ADAM11: variants seen among roughly 807,000 people sequenced by gnomAD.
ADAM11 encodes disintegrin and metalloproteinase domain-containing protein 11.
Under a neutral mutation model 119.1 loss-of-function variants are expected in ADAM11, and 49 were observed. That is an observed-to-expected ratio of 0.41 (90% CI 0.33 to 0.52). ADAM11 has a LOEUF of 0.52. ADAM11 is among the 20% of genes least tolerant of loss of function. The probability of loss-of-function intolerance (pLI) is 0.20; values close to 1 mark genes in which losing one functional copy is unlikely to be tolerated. For missense variants in ADAM11, 777 were observed against 1,047.5 expected (o/e 0.74, Z 3.56); for synonymous variants, 364 against 408.0 (o/e 0.89, Z 1.30).
At position 44,780,167 on chromosome 17, in the gene ADAM11, G is replaced by T; in HGVS notation, c.*413G>T. 1 of 544,146 alleles carries T rather than the reference G, an allele frequency of 1.8e-6. No homozygotes were observed. The highest frequency in any genetic ancestry group is 2.3e-5 in the Admixed American group (1 of 42,896). 33.7% of individuals were successfully genotyped at this position (544,146 alleles called of 1,614,324 possible). A position where few individuals can be genotyped will look rare whatever the true frequency, so the allele number is the denominator to read the frequency against. On this transcript the variant is annotated 3_prime_UTR_variant, in exon 27 of 27. Transcript: ENST00000200557. ...GGTCTTACCTCTCTGGGACCTAGGG[G>T]GACGGGGCTGACATCTACATTTTTT...
rs1189869668 is a variant in ADAM11 at position 44,776,279 on chromosome 17, G to A, written c.1566+72G>A. On this transcript the variant is annotated intron_variant, in intron 18 of 26. Coordinates refer to ENST00000200557, the MANE Select transcript of ADAM11 (RefSeq NM_002390.6). The surrounding 1 kb of genome is among the most constrained non-coding windows in gnomAD (Gnocchi z 5.2). The stretch of plus-strand genomic sequence containing the variant: ...CTACCCTTGTCGATTTGGTTTTCCC[G>A]GACGAGTGCTCAGCACTCCCCTCCT... The A allele has an allele frequency of 1.1e-5, 17 of 1,547,406 alleles. No individual in the cohort carries two copies. In the African/African-American group the frequency reaches 1.8e-4, roughly 16 times the overall value.
chr17:44,772,378 C>G lies in ADAM11; in HGVS notation c.611-21C>G. On this transcript the variant is annotated intron_variant, in intron 7 of 26. Transcript: ENST00000200557. The surrounding 1 kb of genome is among the most constrained non-coding windows in gnomAD (Gnocchi z 4.5). ...GTGGGGAGGGGCCGGCTGTGCCCCCCTCACCTGCCCCTCCCCACAGGCTGC... is the reference window on the plus strand; with the variant it reads ...GTGGGGAGGGGCCGGCTGTGCCCCCGTCACCTGCCCCTCCCCACAGGCTGC... 6.3e-7 allele frequency: 1 copy of G among 1,579,370 alleles called. No individual in the cohort carries two copies. The highest frequency in any genetic ancestry group is 1.1e-5 in the South Asian group (1 of 87,160).
intron 2 of ADAM11, among the ~76,000 whole-genome samples, chr17:44,768,317 G>A (rs1371931711): frequency 2.0e-5 from 3 of 152,210 alleles, no homozygotes; most frequent in Non-Finnish European, 4.4e-5. Flanking sequence ...GGGAGCCTTG[G>A]TCAGCCTGGA....
At chr17:44,759,669 G>A in intron 1 of ADAM11, 53 bp from the exon 2 acceptor site, 4 of 1,312,170 alleles carry the variant, frequency 3.0e-6, no homozygotes, top group Non-Finnish European at 3.9e-6. Flanking sequence ...CCATTCCCAA[G>A]TCTTCTGCCC....
At chr17:44,766,575 G>T (rs1300263131) in intron 2 of ADAM11, among the ~76,000 whole-genome samples, 1 of 152,184 alleles carries the variant, frequency 6.6e-6, no homozygotes, top group Admixed American at 6.5e-5. Flanking sequence ...ACGAACTCCA[G>T]CCCCAGGGTG....
Position 44,775,187 on chromosome 17 carries a change from C to G in ADAM11, c.1221-25C>G. 1 of 1,580,038 alleles carries G rather than the reference C, an allele frequency of 6.3e-7. No individual in the cohort carries two copies. Among genetic ancestry groups the G allele is most frequent in the Non-Finnish European group, 8.7e-7 (1 of 1,149,804 alleles). On this transcript the variant is annotated intron_variant, in intron 14 of 26. Coordinates refer to ENST00000200557, the MANE Select transcript of ADAM11 (RefSeq NM_002390.6). The surrounding 1 kb of genome is among the most constrained non-coding windows in gnomAD (Gnocchi z 7.5). The stretch of plus-strand genomic sequence containing the variant: ...GGGTGGGTTGGAGGGGAGCAGCCAG[C>G]AGCACCTCCCCTCGCCCTATCCAGG...
rs71136047 is a variant in ADAM11 at position 44,778,713 on chromosome 17, A to AAAAAAAAAAAAAAAAG, written c.2276+471_2276+472insAAAAAAAAAAAAAAAG. Among the ~76,000 whole-genome samples the AAAAAAAAAAAAAAAAG allele has an allele frequency of 3.5e-3, 285 of 80,382 alleles. 38 individuals carry two copies. Among genetic ancestry groups the AAAAAAAAAAAAAAAAG allele is most frequent in the Middle Eastern group, 8.3e-3 (1 of 120 alleles). 52.7% of individuals were successfully genotyped at this position (80,382 alleles called of 152,430 possible). A position where few individuals can be genotyped will look rare whatever the true frequency, so the allele number is the denominator to read the frequency against. Reference sequence around the variant, plus strand: ...CAAAAAAAAAAAAAAAAAAAAAAAAAGAAAGAAAGAGAGAAAGAAAAGAAA... The same window carrying AAAAAAAAAAAAAAAAG: ...CAAAAAAAAAAAAAAAAAAAAAAAAAAAAAAAAAAAAAAAAGGAAAGAAAGAGAGAAAGAAAAGAAA... On this transcript the variant is annotated intron_variant, in intron 25 of 26. Coordinates refer to ENST00000200557, the MANE Select transcript of ADAM11 (RefSeq NM_002390.6).
Position 44,775,752 on chromosome 17 carries a change from C to A in ADAM11, c.1485+76C>A. On this transcript the variant is annotated intron_variant, in intron 17 of 26. Transcript: ENST00000200557. This position sits in a 1 kb window ranked among gnomAD's most constrained non-coding sequence, Gnocchi z 7.5. ...GAGGCCTTCATATAAGGGGTGGGAG[C>A]TAGGGAGGGAAGCGGAGCCTTCGGG... 7.0e-7 allele frequency: 1 copy of A among 1,423,438 alleles called. No homozygotes were observed. The highest frequency in any genetic ancestry group is 9.5e-7 in the Non-Finnish European group (1 of 1,056,904). 88.2% of individuals were successfully genotyped at this position (1,423,438 alleles called of 1,614,324 possible).
Position 44,779,873 on chromosome 17 carries a change from A to C in ADAM11, c.*119A>C. On this transcript the variant is annotated 3_prime_UTR_variant, in exon 27 of 27. Coordinates refer to ENST00000200557, the MANE Select transcript of ADAM11 (RefSeq NM_002390.6). ...AATGTCTTCCAGGTCCAAACCCTTC[A>C]ACTCCTGGCTCCGCAGGGGTTTGGG... is the stretch of plus-strand genomic sequence containing the variant. The C allele has an allele frequency of 7.1e-7, 1 of 1,399,954 alleles. No individual in the cohort carries two copies. The highest frequency in any genetic ancestry group is 1.0e-6 in the Non-Finnish European group (1 of 1,002,486). The allele number at this position is 1,399,954 out of a possible 1,614,324, so 86.7% of individuals were successfully genotyped here. A position where few individuals can be genotyped will look rare whatever the true frequency, so the allele number is the denominator to read the frequency against.
rs200371132 is a variant in ADAM11, at chr17:44,772,241, C to G, written c.544-26C>G. On this transcript the variant is annotated intron_variant, in intron 6 of 26. Coordinates refer to ENST00000200557, the MANE Select transcript of ADAM11 (RefSeq NM_002390.6). This position sits in a 1 kb window ranked among gnomAD's most constrained non-coding sequence, Gnocchi z 4.5. ...CCTGGAGCAGGCCCAGTTGGCACCC[C>G]AAGAACTAATTTCCCCTCATTGCAG... 2,664 of 1,596,494 alleles carry G rather than the reference C, an allele frequency of 1.7e-3. 6 individuals are homozygous for G. Among genetic ancestry groups the G allele is most frequent in the Non-Finnish European group, 2.1e-3 (2,488 of 1,169,896 alleles).
chr17:44,772,260 A>G lies in ADAM11; in HGVS notation c.544-7A>G, dbSNP rs2049533053. ...GCACCCCAAGAACTAATTTCCCCTC[A>G]TTGCAGGGACCCCTTCCCCACCTCA... On this transcript the variant is annotated splice_polypyrimidine_tract_variant and splice_region_variant and intron_variant, in intron 6 of 26. Coordinates refer to ENST00000200557, the MANE Select transcript of ADAM11 (RefSeq NM_002390.6). This position sits in a 1 kb window ranked among gnomAD's most constrained non-coding sequence, Gnocchi z 4.5. The G allele has an allele frequency of 6.3e-7, 1 of 1,594,454 alleles. No homozygotes were observed. The highest frequency in any genetic ancestry group is 1.7e-5 in the Admixed American group (1 of 58,832).
At chr17:44,767,104 A>G (rs1402300238) in intron 2 of ADAM11, among the ~76,000 whole-genome samples, 1 of 152,130 alleles carries the variant, frequency 6.6e-6, no homozygotes, top group Non-Finnish European at 1.5e-5. Flanking sequence ...CACATTTGCA[A>G]TCCCAGCACT....
rs2049541375 is a variant in ADAM11, at chr17:44,772,647, G to A, written c.678+181G>A. On this transcript the variant is annotated intron_variant, in intron 8 of 26. Transcript: ENST00000200557. This position sits in a 1 kb window ranked among gnomAD's most constrained non-coding sequence, Gnocchi z 4.5. ...AGCCCCCACCCCTTCCCTAATGCTG[G>A]CATCTACAGAGGCCCCATCCTGGGC... 6.6e-6 allele frequency among the ~76,000 whole-genome samples: 1 copy of A among 152,158 alleles called. No homozygotes were observed. The highest frequency in any genetic ancestry group is 1.5e-5 in the Non-Finnish European group (1 of 68,022).
chr17:44,770,489 C>CA (rs374602079), intron 4 of ADAM11, among the ~76,000 whole-genome samples: 400 of 16,508 alleles, frequency 0.024, 9 homozygotes, highest in African/African-American at 0.066. Flanking sequence ...TAGCCTGTCT[C>CA]CCCCCCCCCC....
Position 44,772,192 on chromosome 17 carries a change from T to C in ADAM11, c.544-75T>C, listed in dbSNP as rs1273371443. The C allele has an allele frequency of 1.9e-5, 27 of 1,401,446 alleles. No homozygotes were observed. Among genetic ancestry groups the C allele is most frequent in the Non-Finnish European group, 3.9e-6 (4 of 1,013,242 alleles). The allele number at this position is 1,401,446 out of a possible 1,614,324, so 86.8% of individuals were successfully genotyped here. On this transcript the variant is annotated intron_variant, in intron 6 of 26. Coordinates refer to ENST00000200557, the MANE Select transcript of ADAM11 (RefSeq NM_002390.6). The surrounding 1 kb of genome is among the most constrained non-coding windows in gnomAD (Gnocchi z 4.5). ...CCCAGGGTGGGGTGGAGGCGAGGGC[T>C]GGATCTGGCCCCCGCCAAGTGGGCC...
Position 44,771,901 on chromosome 17 carries a change from G to A in ADAM11, c.543+70G>A, listed in dbSNP as rs533275367. On this transcript the variant is annotated intron_variant, in intron 6 of 26. Transcript: ENST00000200557. ...CAAGCTTGTCCCAACAGCTGTTGCT[G>A]CCACCTCTTCCTCCTCCGGCTCCTC... 5 of 1,524,968 alleles carry A rather than the reference G, an allele frequency of 3.3e-6. No homozygotes were observed. The East Asian group carries it at 1.1e-4, about 35-fold the overall frequency. The allele number at this position is 1,524,968 out of a possible 1,614,324, so 94.5% of individuals were successfully genotyped here.
rs1285227719 is a variant in ADAM11, at chr17:44,759,273, C to T, written c.61+13C>T. 1.6e-5 allele frequency: 22 copies of T among 1,387,300 alleles called. No individual in the cohort carries two copies. The East Asian group carries it at 2.7e-4, about 17-fold the overall frequency. The allele number at this position is 1,387,300 out of a possible 1,614,324, so 85.9% of individuals were successfully genotyped here. A position where few individuals can be genotyped will look rare whatever the true frequency, so the allele number is the denominator to read the frequency against. On this transcript the variant is annotated intron_variant, in intron 1 of 26. Coordinates refer to ENST00000200557, the MANE Select transcript of ADAM11 (RefSeq NM_002390.6). The stretch of plus-strand genomic sequence containing the variant: ...CTCCCCACGCCCGGTGAGTGACCCC[C>T]GCCCGGCCCCGGCGCCCCCTCCCTG...
Position 44,772,399 on chromosome 17 carries a change from G to A in ADAM11, c.611G>A (p.Gly204Asp). The A allele has an allele frequency of 1.9e-6, 3 of 1,579,630 alleles. No homozygotes were observed. Among genetic ancestry groups the A allele is most frequent in the Non-Finnish European group, 2.6e-6 (3 of 1,161,830 alleles). ...CCCCCTCACCTGCCCCTCCCCACAG[G>A]CTGCCTGTTTGCTGTGCCTGCCCAG... ...LPDPLGCREPGCLFAVPAQSA... is the reference protein window; with the variant it reads ...LPDPLGCREPDCLFAVPAQSA... The change falls in exon 8 of 27, where the codon GGC becomes GAC. Residue 204 changes from glycine to aspartate, a missense_variant and splice_region_variant. Physicochemically the swap from Gly to Asp is moderately conservative, Grantham distance 94 (BLOSUM62 -1). Coordinates refer to ENST00000200557, the MANE Select transcript of ADAM11 (RefSeq NM_002390.6). This position sits in a 1 kb window ranked among gnomAD's most constrained non-coding sequence, Gnocchi z 4.5.
intron 2 of ADAM11, among the ~76,000 whole-genome samples, chr17:44,763,428 G>A (rs978166528): frequency 6.6e-6 from 1 of 152,212 alleles, no homozygotes; most frequent in African/African-American, 2.4e-5. Flanking sequence ...AGACACAGAT[G>A]CACCCTTGCC....
Sources: gnomAD v4.1 joint callset for allele counts (sites outside exome capture counted in the v4.1 genomes callset) on GRCh38, gnomAD v4.1.1 for gene constraint, Gnocchi (gnomAD v3.1) non-coding constraint, MANE v1.5 for transcripts, NCBI Gene and HGNC (gene_info 2026-07-23, HGNC 2026-07-21) for gene names.